The following SMC5 variants were observed in gnomAD, a reference collection of about 807,000 sequenced individuals.
SMC5 encodes the protein structural maintenance of chromosomes protein 5.
In SMC5, 88 loss-of-function variants were observed where a neutral mutation model predicts 148.3. That is an observed-to-expected ratio of 0.59 (90% CI 0.50 to 0.71). The LOEUF is 0.71. Ranked by LOEUF, SMC5 falls within the 30% of genes least tolerant of loss-of-function variation. SMC5 has a pLI of 0.00. For missense variants in SMC5, 1,142 were observed against 1,298.9 expected, an observed-to-expected ratio of 0.88 and a Z score of 1.86; for synonymous variants, 421 against 432.8, an observed-to-expected ratio of 0.97 and a Z score of 0.34.
chr9:70,329,190 TCTTTA>T (rs1160468924), intron 17 of SMC5, among the ~76,000 whole-genome samples: 1 of 152,228 alleles, frequency 6.6e-6, no homozygotes, highest in African/African-American at 2.4e-5. Context: ...ATTTGGCTCT[TCTTTA>T]CTTCTGCAAG....
chr9:70,269,995 A>C (rs1422744254), intron 3 of SMC5, among the ~76,000 whole-genome samples: 4 of 152,198 alleles, frequency 2.6e-5, no homozygotes, highest in African/African-American at 7.2e-5. Flanking sequence ...TCTACACCAG[A>C]TGTGTGGGGT....
intron 17 of SMC5, among the ~76,000 whole-genome samples, chr9:70,342,616 G>C (rs1425128192): frequency 1.3e-5 from 2 of 151,992 alleles, no homozygotes; most frequent in African/African-American, 4.8e-5. Context: ...TAATGTGTCT[G>C]AGCCACATCT....
intron 3 of SMC5, among the ~76,000 whole-genome samples, chr9:70,268,323 G>A (rs1481280428): frequency 6.6e-6 from 1 of 152,026 alleles, no homozygotes; most frequent in Admixed American, 6.5e-5. Flanking sequence ...GCACATGCCT[G>A]TAATCCCAGC....
chr9:70,288,608 T>G (rs988728111), intron 8 of SMC5, among the ~76,000 whole-genome samples: 4 of 152,126 alleles, frequency 2.6e-5, no homozygotes, highest in Non-Finnish European at 5.9e-5. Flanking sequence ...TATAAATTTT[T>G]GGGCATCATT....
At chr9:70,346,428 T>C (rs1426089724) in intron 18 of SMC5, 177 bp from the exon 19 acceptor site, 5 of 652,038 alleles carry the variant, frequency 7.7e-6, no homozygotes, top group Non-Finnish European at 1.3e-5. Context: ...AAAAAGTATA[T>C]GTTCTAATTT....
intron 3 of SMC5, among the ~76,000 whole-genome samples, chr9:70,274,676 ATTTCT>A (rs1021952894): frequency 1.3e-5 from 2 of 151,520 alleles, no homozygotes; most frequent in Non-Finnish European, 2.9e-5. Flanking sequence ...AGTCTTCAGC[ATTTCT>A]TTTCTTTCTT....
Position 70,352,357 on chromosome 9 carries a change from A to G in SMC5, c.*26A>G. ...TAAAAGTAAAGAGAGGGAACTTGGG[A>G]ATTTTTTTTGTTAAATTCTGTTTAT... On this transcript the variant is annotated 3_prime_UTR_variant, in exon 25 of 25. Coordinates refer to ENST00000361138, the MANE Select transcript of SMC5 (RefSeq NM_015110.4). The G allele has an allele frequency of 1.9e-6, 3 of 1,566,032 alleles. No homozygotes were observed. The highest frequency in any genetic ancestry group is 2.6e-6 in the Non-Finnish European group (3 of 1,159,508).
intron 8 of SMC5, among the ~76,000 whole-genome samples, chr9:70,290,528 T>C (rs2035029408): frequency 6.6e-6 from 1 of 152,214 alleles, no homozygotes; most frequent in South Asian, 2.1e-4. Flanking sequence ...AAAAAAGTTA[T>C]AAACAACAAA....
At chr9:70,308,773 T>C (rs1370214055) in intron 11 of SMC5, among the ~76,000 whole-genome samples, 1 of 152,142 alleles carries the variant, frequency 6.6e-6, no homozygotes, top group Non-Finnish European at 1.5e-5. Flanking sequence ...TTTTTTACAC[T>C]ATCATAAATG....
At chr9:70,264,256 A>G in intron 1 of SMC5, 48 bp from the exon 2 acceptor site, 2 of 1,545,660 alleles carry the variant, frequency 1.3e-6, no homozygotes, top group Non-Finnish European at 1.8e-6. Flanking sequence ...AAGCAAGGAA[A>G]AGTGGTTTTG....
chr9:70,305,963 G>A (rs2035484639), intron 11 of SMC5, among the ~76,000 whole-genome samples: 1 of 152,190 alleles, frequency 6.6e-6, no homozygotes, highest in Admixed American at 6.5e-5. Context: ...TCTATAAAAT[G>A]AAGGGTAACA....
intron 2 of SMC5, among the ~76,000 whole-genome samples, chr9:70,267,083 T>A: frequency 6.6e-6 from 1 of 151,224 alleles, no homozygotes; most frequent in East Asian, 1.9e-4. Context: ...TTATTGTCTA[T>A]AAAATGAATG....
intron 1 of SMC5, 66 bp downstream of exon 1, chr9:70,259,329 G>T: frequency 2.7e-6 from 4 of 1,470,648 alleles, no homozygotes; most frequent in Non-Finnish European, 3.6e-6. Flanking sequence ...CGGGGCTCCG[G>T]CAGCGCGCGG....
chr9:70,265,913 A>G (rs1234281907), intron 2 of SMC5, among the ~76,000 whole-genome samples: 1 of 152,240 alleles, frequency 6.6e-6, no homozygotes, highest in Non-Finnish European at 1.5e-5. Context: ...ATCCATAATC[A>G]TACTGGGAGA....
At chr9:70,322,183 CTATT>C (rs145540145) in intron 15 of SMC5, among the ~76,000 whole-genome samples, 10,515 of 152,172 alleles carry the variant, frequency 0.069, 572 homozygotes, top group East Asian at 0.22. Context: ...CAAGATATAT[CTATT>C]TAGTCTAGCT....
At position 70,303,932 on chromosome 9, in the gene SMC5, C is replaced by T. The variant is rs1025871784; in HGVS notation, c.1465-1315C>T. Among the ~76,000 whole-genome samples, 7 of 152,114 alleles carry T rather than the reference C, an allele frequency of 4.6e-5. No homozygotes were observed. In the East Asian group the frequency reaches 1.3e-3, roughly 29 times the overall value. ...TAGTACTTTTTATATTTATACGCTTCTCTTAATGGGAGTTTTATCATGCTC... is the reference window on the plus strand; with the variant it reads ...TAGTACTTTTTATATTTATACGCTTTTCTTAATGGGAGTTTTATCATGCTC... On this transcript the variant is annotated intron_variant, in intron 10 of 24. Transcript: ENST00000361138.
At chr9:70,295,759 T>C (rs528820163) in intron 8 of SMC5, among the ~76,000 whole-genome samples, 1 of 152,176 alleles carries the variant, frequency 6.6e-6, no homozygotes, top group Non-Finnish European at 1.5e-5. Context: ...CTTCTCTTGG[T>C]ACAACTTTAT....
intron 12 of SMC5, 88 bp downstream of exon 12, chr9:70,314,924 T>C (rs1373194380): frequency 2.3e-6 from 2 of 876,762 alleles, no homozygotes; most frequent in East Asian, 2.9e-5. Flanking sequence ...AGCTGTATTA[T>C]TTCCTTTTAA....
intron 3 of SMC5, among the ~76,000 whole-genome samples, chr9:70,269,218 GA>G (rs1366852404): frequency 6.6e-6 from 1 of 152,128 alleles, no homozygotes; most frequent in African/African-American, 2.4e-5. Context: ...TTTTGTTGAA[GA>G]ATATAAAATC....
Sources: allele counts gnomAD v4.1 joint callset (sites outside exome capture counted in the v4.1 genomes callset), GRCh38; gene constraint gnomAD v4.1.1; transcripts MANE v1.5; gene names NCBI Gene and HGNC (gene_info 2026-07-23, HGNC 2026-07-21).